Variants in CAPRIN1 observed in about 807,000 individuals in gnomAD.
CAPRIN1 encodes caprin-1.
A neutral mutation model predicts 100.9 loss-of-function variants in CAPRIN1; 29 were observed. The ratio of observed to expected loss-of-function variants is 0.29; its 90% CI spans 0.21 to 0.39. The LOEUF (loss-of-function observed/expected upper bound fraction) is 0.39. Ranked by LOEUF, CAPRIN1 falls within the 10% of genes least tolerant of loss-of-function variation. The pLI, the probability that CAPRIN1 is intolerant of heterozygous loss-of-function variation, is 1.00. For missense variants in CAPRIN1, 795 were observed against 876.7 expected, an observed-to-expected ratio of 0.91 and a Z score of 1.18; for synonymous variants, 338 against 307.5, an observed-to-expected ratio of 1.10 and a Z score of -1.04.
chr11:34,092,533 T>C (rs1232550451), intron 15 of CAPRIN1, among the ~76,000 whole-genome samples: 1 of 152,042 alleles, frequency 6.6e-6, no homozygotes, highest in African/African-American at 2.4e-5. Flanking sequence ...TAATTTTTTG[T>C]ATTTTTGGTA....
intron 6 of CAPRIN1, 25 bp downstream of exon 6, chr11:34,076,667 AT>A: frequency 6.9e-7 from 1 of 1,443,256 alleles, no homozygotes; most frequent in Non-Finnish European, 9.7e-7. Context: ...GATAACTTTG[AT>A]TTTATAACTA....
At chr11:34,061,095 G>A (rs1474251991) in intron 2 of CAPRIN1, among the ~76,000 whole-genome samples, 1 of 151,758 alleles carries the variant, frequency 6.6e-6, no homozygotes, top group Admixed American at 6.6e-5. Flanking sequence ...TACAGGATTG[G>A]CTTTTATCTT....
rs1353608331 is a variant in CAPRIN1, at chr11:34,052,342, C to T, written c.1-79C>T. The T allele has an allele frequency of 1.7e-5, 20 of 1,153,910 alleles. No homozygotes were observed. In the Admixed American group the frequency reaches 3.7e-4, roughly 21 times the overall value. 71.5% of individuals were successfully genotyped at this position (1,153,910 alleles called of 1,614,324 possible). ...ACCGCTCGCTGCGCGTTTTGTCCCG[C>T]GTCTCGCCCCGTCCGTCTCCTGACT... is the stretch of plus-strand genomic sequence containing the variant. On this transcript the variant is annotated intron_variant, in intron 1 of 18. Coordinates refer to ENST00000341394, the MANE Select transcript of CAPRIN1 (RefSeq NM_005898.5).
chr11:34,078,345 CCTA>C (rs1402338552), intron 6 of CAPRIN1, among the ~76,000 whole-genome samples: 1 of 151,928 alleles, frequency 6.6e-6, no homozygotes, highest in Admixed American at 6.6e-5. Flanking sequence ...GGGGAGTGGC[CCTA>C]CTATGTATCT....
chr11:34,053,129 G>T, intron 2 of CAPRIN1: 1 of 992,006 alleles, frequency 1.0e-6, no homozygotes, highest in Non-Finnish European at 1.2e-6. Context: ...ATGCACTCGA[G>T]ACCTGTCGAG....
chr11:34,091,832 C>CA, intron 14 of CAPRIN1, 74 bp from the exon 15 acceptor site: 1 of 1,365,012 alleles, frequency 7.3e-7, no homozygotes, highest in South Asian at 1.4e-5. Context: ...GAGGTAAAAC[C>CA]ACCATTGAGT....
At chr11:34,080,259 C>T (rs1850999154) in intron 7 of CAPRIN1, among the ~76,000 whole-genome samples, 1 of 152,106 alleles carries the variant, frequency 6.6e-6, no homozygotes, top group Non-Finnish European at 1.5e-5. Flanking sequence ...AAGAGTAATT[C>T]CTACCAGTAT....
chr11:34,095,720 T>G (rs1451570608), intron 15 of CAPRIN1: 2 of 152,208 alleles, frequency 1.3e-5, no homozygotes, highest in Non-Finnish European at 2.9e-5. Context: ...CTCTTTGAAT[T>G]ATAAACATTG....
intron 15 of CAPRIN1, among the ~76,000 whole-genome samples, chr11:34,094,621 C>T (rs1235900903): frequency 6.6e-6 from 1 of 151,940 alleles, no homozygotes; most frequent in Non-Finnish European, 1.5e-5. Context: ...AACACAGAGC[C>T]CCACCTCTAT....
rs888952153 is a variant in CAPRIN1, at chr11:34,052,509, C to T, written c.89C>T (p.Ala30Val). 1.9e-6 allele frequency: 3 copies of T among 1,593,962 alleles called. No individual in the cohort carries two copies. The highest frequency in any genetic ancestry group is 2.7e-5 in the African/African-American group (2 of 74,142). The change falls in exon 2 of 19, where the codon GCG (alanine) becomes GTG (valine). Residue 30 changes from alanine (A) to valine (V), a missense_variant. Physicochemically the swap from Ala to Val is moderately conservative, Grantham distance 64. This residue lies in a region of CAPRIN1 where 109 missense variants were observed against 86.6 expected (regional missense o/e 1.26). Transcript: ENST00000341394. ...PSGSSGSEAA[A>V]GAGAAAPASQ... is the part of the protein sequence containing the mutation. ...GGTTCCTCCGGGAGTGAGGCGGCCG[C>T]GGGAGCCGGGGCCGCCGCGCCGGCT...
intron 2 of CAPRIN1, among the ~76,000 whole-genome samples, chr11:34,069,147 T>G (rs1053059825): frequency 1.3e-5 from 2 of 149,580 alleles, no homozygotes; most frequent in African/African-American, 5.0e-5. Flanking sequence ...TCAAAACTTA[T>G]TTAGTTTTTT....
In CAPRIN1 at chr11:34,097,294, C is replaced by T; in HGVS notation, c.1999C>T (p.Arg667Trp). Residue 667 changes from arginine to tryptophan, a missense_variant and splice_region_variant, in exon 17 of 19, where the codon CGG becomes TGG. Transcript: ENST00000341394. The stretch of plus-strand genomic sequence containing the variant: ...TCCCCGGGATTACTCTGGCTATCAA[C>T]GGGTAGGTAAAGTAGTTCTAAAGTG... The part of the protein sequence containing the change: ...SAPRDYSGYQ[R>W]DGYQQNFKRG... The T allele has an allele frequency of 6.2e-7, 1 of 1,602,364 alleles. No individual in the cohort carries two copies.
rs756712511 is a variant in CAPRIN1, at chr11:34,097,730, T to C, written c.2034T>C (p.Ser678=). 6.2e-7 allele frequency: 1 copy of C among 1,614,138 alleles called. No individual in the cohort carries two copies. The highest frequency in any genetic ancestry group is 2.2e-5 in the East Asian group (1 of 44,882). ...DGYQQNFKRG[S]GQSGPRGAPR... ...ATCAGCAGAATTTCAAGCGAGGCTCTGGGCAGAGTGGACCACGGGGAGCCC... is the reference window on the plus strand; with the variant it reads ...ATCAGCAGAATTTCAAGCGAGGCTCCGGGCAGAGTGGACCACGGGGAGCCC... Residue 678 remains serine (S), a synonymous_variant, in exon 18 of 19, where the codon TCT becomes TCC. Transcript: ENST00000341394.
rs775822623 is a variant in CAPRIN1, at chr11:34,091,986, T to C, written c.1635T>C (p.Tyr545=). 11 of 1,614,054 alleles carry C rather than the reference T, an allele frequency of 6.8e-6. No individual in the cohort carries two copies. Among genetic ancestry groups the C allele is most frequent in the Admixed American group, 3.3e-5 (2 of 60,004 alleles). ...AGCAAAATCAGTACCAGGCCAGTTATAACCAGAGCTTTTCTAGTCAGCCTC... is the reference window on the plus strand; with the variant it reads ...AGCAAAATCAGTACCAGGCCAGTTACAACCAGAGCTTTTCTAGTCAGCCTC... ...LKQQNQYQAS[Y]NQSFSSQPHQ... The change falls in exon 15 of 19, where the codon TAT becomes TAC. Residue 545 remains tyrosine, a synonymous_variant. Coordinates refer to ENST00000341394, the MANE Select transcript of CAPRIN1 (RefSeq NM_005898.5).
At chr11:34,079,158 A>G (rs879381602) in intron 6 of CAPRIN1, among the ~76,000 whole-genome samples, 6 of 152,230 alleles carry the variant, frequency 3.9e-5, no homozygotes, top group Admixed American at 2.6e-4. Flanking sequence ...TGTTAATCCC[A>G]GCCCTTTGGG....
intron 7 of CAPRIN1, 33 bp from the exon 8 acceptor site, chr11:34,082,792 C>T: frequency 6.3e-7 from 1 of 1,578,730 alleles, no homozygotes; most frequent in Non-Finnish European, 8.7e-7. Context: ...ACCTAAAAAT[C>T]CTTTTGTTTT....
At chr11:34,053,119 ATGCACTCGAGACC>A in intron 2 of CAPRIN1, 1 of 997,622 alleles carries the variant, frequency 1.0e-6, no homozygotes, top group Non-Finnish European at 1.2e-6. Flanking sequence ...CTCGGTTACC[ATGCACTCGAGACC>A]TGTCGAGCGT....
chr11:34,053,427 T>A (rs1241007925), intron 2 of CAPRIN1: 1 of 152,306 alleles, frequency 6.6e-6, no homozygotes, highest in East Asian at 1.9e-4. Flanking sequence ...CTGGGGAGAC[T>A]GGAGAGGATG....
In CAPRIN1 at chr11:34,076,915, A is replaced by G. The variant is rs554954846; in HGVS notation, c.688+273A>G. On this transcript the variant is annotated intron_variant, in intron 6 of 18. Transcript: ENST00000341394. ...ACGCCTGGCTATTTTTTGTATTTTT[A>G]GTAGAGACAGGGTTTCGCCATGTAG... Among the ~76,000 whole-genome samples, 8 of 152,104 alleles carry G rather than the reference A, an allele frequency of 5.3e-5. No homozygotes were observed. The South Asian group carries it at 6.2e-4, about 12-fold the overall frequency.
Sources: gnomAD v4.1 joint callset for allele counts (sites outside exome capture counted in the v4.1 genomes callset) on GRCh38, gnomAD v4.1.1 for gene constraint, gnomAD v4.1.1 regional missense constraint, MANE v1.5 for transcripts, NCBI Gene and HGNC (gene_info 2026-07-23, HGNC 2026-07-21) for gene names.